The following LRRC8E variants were observed in gnomAD, a reference collection of about 807,000 sequenced individuals.
LRRC8E encodes the protein volume-regulated anion channel subunit LRRC8E.
A neutral mutation model predicts 6.1 loss-of-function variants in LRRC8E; 6 were observed. The ratio of observed to expected loss-of-function variants is 0.98; its 90% CI spans 0.54 to 1.93. The LOEUF (loss-of-function observed/expected upper bound fraction) is 1.93. Ranked by LOEUF, LRRC8E falls within the 30% of genes most tolerant of loss-of-function variation. LRRC8E has a pLI of 0.01. For missense variants in LRRC8E, 1,028 were observed against 1,031.4 expected (o/e 1.00, Z 0.04); for synonymous variants, 485 against 472.8 (o/e 1.03, Z -0.33).
At position 7,898,867 on chromosome 19, in the gene LRRC8E, C is replaced by T; in HGVS notation, c.345C>T (p.Ala115=). 1 of 1,614,240 alleles carries T rather than the reference C, an allele frequency of 6.2e-7. No individual in the cohort carries two copies. The highest frequency in any genetic ancestry group is 8.5e-7 in the Non-Finnish European group (1 of 1,180,050). ...ATGAGACGGCCCTGCACTGGTATGCCAAGTACTTCCCTTACCTCGTGGTCA... is the reference window on the plus strand; with the variant it reads ...ATGAGACGGCCCTGCACTGGTATGCTAAGTACTTCCCTTACCTCGTGGTCA... ...LCYETALHWY[A]KYFPYLVVIH... Residue 115 remains alanine (A), a synonymous_variant, in exon 3 of 3, where the codon GCC becomes GCT. Transcript: ENST00000306708.
rs946976672 is a variant in LRRC8E at position 7,899,809 on chromosome 19, G to A, written c.1287G>A (p.Leu429=). The A allele has an allele frequency of 1.9e-6, 3 of 1,607,530 alleles. No individual in the cohort carries two copies. Among genetic ancestry groups the A allele is most frequent in the Non-Finnish European group, 2.5e-6 (3 of 1,179,962 alleles). The change falls in exon 3 of 3, where the codon CTG becomes CTA. Residue 429 remains leucine (L), a synonymous_variant. Transcript: ENST00000306708. ...LELALCMLPG[L]PDTVFELSEV... Reference sequence around the variant, plus strand: ...TGGCCCTCTGCATGCTGCCGGGTCTGCCCGACACCGTCTTTGAGCTCAGTG... The same window carrying A: ...TGGCCCTCTGCATGCTGCCGGGTCTACCCGACACCGTCTTTGAGCTCAGTG...
chr19:7,893,131 C>G (rs1981402682), intron 1 of LRRC8E, among the ~76,000 whole-genome samples: 1 of 152,182 alleles, frequency 6.6e-6, no homozygotes, highest in Non-Finnish European at 1.5e-5. Flanking sequence ...CTCAGCCTCC[C>G]TAGTAGCTGG....
chr19:7,900,647 A>C lies in LRRC8E; in HGVS notation c.2125A>C (p.Asn709His), dbSNP rs1568269136. The C allele has an allele frequency of 1.2e-6, 2 of 1,613,376 alleles. No homozygotes were observed. Among genetic ancestry groups the C allele is most frequent in the Non-Finnish European group, 1.7e-6 (2 of 1,180,028 alleles). ...CCTACAGCACCTGGCCCTCTCCTAC[A>C]ATGCCCTGGAGGCCCTGCCCGAAGA... Reference protein sequence around the residue: ...QNLQHLALSYNALEALPEELF... With the variant: ...QNLQHLALSYHALEALPEELF... The change falls in exon 3 of 3, where the codon AAT becomes CAT. Residue 709 changes from asparagine (N) to histidine (H), a missense_variant. Asn to His is a moderately conservative substitution (Grantham distance 68, BLOSUM62 1). Coordinates refer to ENST00000306708, the MANE Select transcript of LRRC8E (RefSeq NM_025061.6). The surrounding 1 kb of genome is among the most constrained non-coding windows in gnomAD (Gnocchi z 5.0).
chr19:7,900,215 C>CTGCA lies in LRRC8E; in HGVS notation c.1694_1697dup (p.Asn567AlafsTer46). On this transcript the variant is annotated frameshift_variant, in exon 3 of 3. Coordinates refer to ENST00000306708, the MANE Select transcript of LRRC8E (RefSeq NM_025061.6). LOFTEE classifies it low-confidence loss of function (END_TRUNC). The surrounding 1 kb of genome is among the most constrained non-coding windows in gnomAD (Gnocchi z 5.0). The stretch of plus-strand genomic sequence containing the variant: ...TGCTGGCCACCTGCAGAGGCTCAGC[C>CTGCA]TGCACAACGATGGGGCCCGTCTGGT... 1 of 1,613,182 alleles carries CTGCA rather than the reference C, an allele frequency of 6.2e-7. No individual in the cohort carries two copies. Among genetic ancestry groups the CTGCA allele is most frequent in the Non-Finnish European group, 8.5e-7 (1 of 1,179,956 alleles).
At chr19:7,890,770 C>T (rs1300030672) in intron 1 of LRRC8E, among the ~76,000 whole-genome samples, 1 of 151,652 alleles carries the variant, frequency 6.6e-6, no homozygotes, top group Admixed American at 6.6e-5. Context: ...GCCTGGGCGA[C>T]AGAGTGAGAC....
In LRRC8E at chr19:7,900,633, TG is replaced by T. The variant is rs756053109; in HGVS notation, c.2113del (p.Ala705ProfsTer30). The part of the protein sequence containing the change: ...EVGLLQNLQH[L>X]ALSYNALEAL... ...GGCCTCCTGCAGAACCTACAGCACC[TG>T]GCCCTCTCCTACAATGCCCTGGAGG... On this transcript the variant is annotated frameshift_variant, in exon 3 of 3. Transcript: ENST00000306708. LOFTEE classifies it low-confidence loss of function (END_TRUNC). The surrounding 1 kb of genome is among the most constrained non-coding windows in gnomAD (Gnocchi z 5.0). 5.9e-4 allele frequency: 954 copies of T among 1,613,328 alleles called. 2 individuals are homozygous for T. The highest frequency in any genetic ancestry group is 7.5e-4 in the Non-Finnish European group (889 of 1,180,058).
intron 1 of LRRC8E, among the ~76,000 whole-genome samples, chr19:7,892,381 AG>A (rs1395583674): frequency 6.6e-6 from 1 of 151,538 alleles, no homozygotes; most frequent in Non-Finnish European, 1.5e-5. Context: ...CCAAATTTTT[AG>A]ATTTTTTTGT....
In LRRC8E at chr19:7,899,810, C is replaced by T; in HGVS notation, c.1288C>T (p.Pro430Ser). The change falls in exon 3 of 3, where the codon CCC becomes TCC. Residue 430 changes from proline (P) to serine (S), a missense_variant. By Grantham distance (74) the Pro-to-Ser change is moderately conservative (BLOSUM62 -1). Transcript: ENST00000306708. Reference protein sequence around the residue: ...ELALCMLPGLPDTVFELSEVE... With the variant: ...ELALCMLPGLSDTVFELSEVE... Reference sequence around the variant, plus strand: ...GGCCCTCTGCATGCTGCCGGGTCTGCCCGACACCGTCTTTGAGCTCAGTGA... The same window carrying T: ...GGCCCTCTGCATGCTGCCGGGTCTGTCCGACACCGTCTTTGAGCTCAGTGA... 6.2e-7 allele frequency: 1 copy of T among 1,607,558 alleles called. No homozygotes were observed. Among genetic ancestry groups the T allele is most frequent in the Non-Finnish European group, 8.5e-7 (1 of 1,179,944 alleles).
chr19:7,900,993 A>G lies in LRRC8E; in HGVS notation c.*80A>G. The G allele has an allele frequency of 1.0e-6, 1 of 980,902 alleles. No homozygotes were observed. The highest frequency in any genetic ancestry group is 1.4e-6 in the Non-Finnish European group (1 of 709,912). The allele number at this position is 980,902 out of a possible 1,614,324, so 60.8% of individuals were successfully genotyped here. ...CTCAACCATTGTCTTCCAAGATAGG[A>G]AGCCAAGTGGGTCCAGGCCAGGAGA... On this transcript the variant is annotated 3_prime_UTR_variant, in exon 3 of 3. Coordinates refer to ENST00000306708, the MANE Select transcript of LRRC8E (RefSeq NM_025061.6). This position sits in a 1 kb window ranked among gnomAD's most constrained non-coding sequence, Gnocchi z 5.0.
chr19:7,889,224 G>A, intron 1 of LRRC8E, among the ~76,000 whole-genome samples: 1 of 152,084 alleles, frequency 6.6e-6, no homozygotes, highest in East Asian at 1.9e-4. Flanking sequence ...GGCCGAGGTG[G>A]GCAGGTCACC....
intron 1 of LRRC8E, among the ~76,000 whole-genome samples, chr19:7,892,964 A>G (rs533213468): frequency 2.6e-5 from 4 of 152,296 alleles, no homozygotes; most frequent in Admixed American, 1.3e-4. Flanking sequence ...AACCGGGACT[A>G]CAGGCACCCT....
rs1981549196 is a variant in LRRC8E at position 7,895,706 on chromosome 19, A to G, written c.103A>G (p.Met35Val). Reference protein sequence around the residue: ...DVLAEYLTVAMLMIGVFGCTL... With the variant: ...DVLAEYLTVAVLMIGVFGCTL... ...GCTGGCCGAGTACCTCACCGTGGCC[A>G]TGCTCATGATTGGGGTCTTTGGCTG... Residue 35 changes from methionine (M) to valine (V), a missense_variant, in exon 2 of 3, where the codon ATG (methionine) becomes GTG (valine). By Grantham distance (21) the Met-to-Val change is conservative (BLOSUM62 1). Coordinates refer to ENST00000306708, the MANE Select transcript of LRRC8E (RefSeq NM_025061.6). The surrounding 1 kb of genome is among the most constrained non-coding windows in gnomAD (Gnocchi z 4.7). The G allele has an allele frequency of 1.2e-6, 2 of 1,614,006 alleles. No individual in the cohort carries two copies. The highest frequency in any genetic ancestry group is 2.2e-5 in the East Asian group (1 of 44,870).
chr19:7,900,644 T>C lies in LRRC8E; in HGVS notation c.2122T>C (p.Tyr708His). The C allele has an allele frequency of 6.2e-7, 1 of 1,613,422 alleles. No homozygotes were observed. The change falls in exon 3 of 3, where the codon TAC becomes CAC. Residue 708 changes from tyrosine to histidine, a missense_variant. Coordinates refer to ENST00000306708, the MANE Select transcript of LRRC8E (RefSeq NM_025061.6). This position sits in a 1 kb window ranked among gnomAD's most constrained non-coding sequence, Gnocchi z 5.0. ...GAACCTACAGCACCTGGCCCTCTCC[T>C]ACAATGCCCTGGAGGCCCTGCCCGA... is the stretch of plus-strand genomic sequence containing the variant. ...LQNLQHLALS[Y>H]NALEALPEEL...
Position 7,895,325 on chromosome 19 carries a change from CAT to C in LRRC8E, c.-5-273_-5-272del, listed in dbSNP as rs1490950696. The C allele has an allele frequency of 2.3e-6, 1 of 434,444 alleles. No homozygotes were observed. Among genetic ancestry groups the C allele is most frequent in the Non-Finnish European group, 4.3e-6 (1 of 231,752 alleles). The allele number at this position is 434,444 out of a possible 1,614,324, so 26.9% of individuals were successfully genotyped here. ...GGCGGCGGCCCTGTGGACTATCCCT[CAT>C]GTGCTCTTCGAGGTCAGACAAGTCA... On this transcript the variant is annotated intron_variant, in intron 1 of 2. Transcript: ENST00000306708. The surrounding 1 kb of genome is among the most constrained non-coding windows in gnomAD (Gnocchi z 4.7).
In LRRC8E at chr19:7,899,416, C is replaced by CT; in HGVS notation, c.896dup (p.Cys300LeufsTer59). ...CGTCAGAGGTCACGGGCTACGCCAG[C>CT]TTCTGCTGCAACCACACCAAGGCCC... On this transcript the variant is annotated frameshift_variant, in exon 3 of 3. Transcript: ENST00000306708. LOFTEE classifies it low-confidence loss of function (END_TRUNC). 1 of 1,614,170 alleles carries CT rather than the reference C, an allele frequency of 6.2e-7. No individual in the cohort carries two copies. Among genetic ancestry groups the CT allele is most frequent in the South Asian group, 1.1e-5 (1 of 91,084 alleles).
rs757354230 is a variant in LRRC8E, at chr19:7,900,471, G to A, written c.1949G>A (p.Arg650Gln). 1.9e-5 allele frequency: 31 copies of A among 1,612,962 alleles called. No individual in the cohort carries two copies. Among genetic ancestry groups the A allele is most frequent in the Admixed American group, 3.3e-5 (2 of 60,012 alleles). ...ATCGCCTACGTCCCTGAGCACGTGC[G>A]GAAGCTCAGGAGCCTGGAGCAGCTC... is the stretch of plus-strand genomic sequence containing the variant. ...NQIAYVPEHV[R>Q]KLRSLEQLYL... The change falls in exon 3 of 3, where the codon CGG becomes CAG. Residue 650 changes from arginine to glutamine, a missense_variant. By Grantham distance (43) the Arg-to-Gln change is conservative. Transcript: ENST00000306708. This position sits in a 1 kb window ranked among gnomAD's most constrained non-coding sequence, Gnocchi z 5.0.
chr19:7,891,032 A>T (rs1276765516), intron 1 of LRRC8E, among the ~76,000 whole-genome samples: 1 of 152,152 alleles, frequency 6.6e-6, no homozygotes, highest in Non-Finnish European at 1.5e-5. Flanking sequence ...GTCTCCCAAG[A>T]GGGAACAGAG....
chr19:7,898,974 C>G lies in LRRC8E; in HGVS notation c.452C>G (p.Ser151Cys). The G allele has an allele frequency of 6.2e-7, 1 of 1,614,178 alleles. No homozygotes were observed. The highest frequency in any genetic ancestry group is 8.5e-7 in the Non-Finnish European group (1 of 1,180,046). The change falls in exon 3 of 3, where the codon TCC becomes TGC. Residue 151 changes from serine to cysteine, a missense_variant. Ser to Cys is a moderately radical substitution (Grantham distance 112, BLOSUM62 -1). Coordinates refer to ENST00000306708, the MANE Select transcript of LRRC8E (RefSeq NM_025061.6). The part of the protein sequence containing the change: ...GTSSKIEHFI[S>C]ILGKCFDSPW... ...AGCTCCAAGATTGAACACTTCATCT[C>G]CATCCTGGGCAAGTGTTTCGACTCT...
chr19:7,893,305 T>C (rs1010752625), intron 1 of LRRC8E, among the ~76,000 whole-genome samples: 1 of 151,068 alleles, frequency 6.6e-6, no homozygotes, highest in African/African-American at 2.4e-5. Context: ...CGCACCTGGC[T>C]AATTTTTGTA....
Sources: gnomAD v4.1 joint callset for allele counts (sites outside exome capture counted in the v4.1 genomes callset) on GRCh38, gnomAD v4.1.1 for gene constraint, Gnocchi (gnomAD v3.1) non-coding constraint, MANE v1.5 for transcripts, NCBI Gene and HGNC (gene_info 2026-07-23, HGNC 2026-07-21) for gene names.